Variants in KCNMB2 observed in about 807,000 individuals in gnomAD.
KCNMB2 encodes calcium-activated potassium channel subunit beta-2.
Under a neutral mutation model 24.5 loss-of-function variants are expected in KCNMB2, and 9 were observed. The ratio of observed to expected loss-of-function variants is 0.37; its 90% CI spans 0.22 to 0.64. The LOEUF is 0.64. Among genes scored for constraint, KCNMB2 ranks in the 30% least tolerant of loss-of-function variants. The pLI, the probability that KCNMB2 is intolerant of heterozygous loss-of-function variation, is 0.63. For synonymous variants in KCNMB2, 109 were observed against 104.4 expected, an observed-to-expected ratio of 1.04 and a Z score of -0.27; for missense variants, 226 against 284.3, an observed-to-expected ratio of 0.79 and a Z score of 1.47.
chr3:178,720,514 T>A (rs1200439444), intron 1 of KCNMB2, among the ~76,000 whole-genome samples: 1 of 113,442 alleles, frequency 8.8e-6, no homozygotes, highest in Non-Finnish European at 1.8e-5. Flanking sequence ...GATGGCTGGG[T>A]CAAATGGTAT....
intron 1 of KCNMB2, among the ~76,000 whole-genome samples, chr3:178,702,647 A>C (rs1157834106): frequency 6.6e-6 from 1 of 152,058 alleles, no homozygotes; most frequent in Non-Finnish European, 1.5e-5. Context: ...GCAAAAATAA[A>C]TTTCATCTAA....
At chr3:178,815,521 T>C (rs1467637788) in intron 2 of KCNMB2, among the ~76,000 whole-genome samples, 2 of 152,208 alleles carry the variant, frequency 1.3e-5, no homozygotes, top group Admixed American at 6.5e-5. Flanking sequence ...TTACAGTAAA[T>C]ATACTATTCA....
At chr3:178,839,002 A>C (rs1349818925) in intron 4 of KCNMB2, among the ~76,000 whole-genome samples, 1 of 152,228 alleles carries the variant, frequency 6.6e-6, no homozygotes, top group East Asian at 1.9e-4. Flanking sequence ...AACACTGTAT[A>C]GATAAGCAGT....
intron 2 of KCNMB2, among the ~76,000 whole-genome samples, chr3:178,809,863 C>A (rs4493412): frequency 6.6e-6 from 1 of 151,916 alleles, no homozygotes; most frequent in South Asian, 2.1e-4. Context: ...ATATTGACTA[C>A]GAAGAAATCA....
chr3:178,781,781 C>T (rs1325224013), intron 1 of KCNMB2, among the ~76,000 whole-genome samples: 1 of 151,384 alleles, frequency 6.6e-6, no homozygotes, highest in South Asian at 2.1e-4. Context: ...TAACATGAAA[C>T]CGCTTTTTTT....
chr3:178,560,639 G>A (rs1362447191), intron 1 of KCNMB2, among the ~76,000 whole-genome samples: 1 of 152,050 alleles, frequency 6.6e-6, no homozygotes, highest in African/African-American at 2.4e-5. Context: ...GAGATAATTG[G>A]CTTTGCTCTA....
intron 1 of KCNMB2, among the ~76,000 whole-genome samples, chr3:178,698,349 CTGTCT>C (rs76126988): frequency 0.33 from 49,560 of 151,778 alleles, 8,748 homozygotes; most frequent in African/African-American, 0.47. Context: ...TCTTGTCTGC[CTGTCT>C]TATTTCAGAA....
chr3:178,696,485 CT>C (rs768602273), intron 1 of KCNMB2, among the ~76,000 whole-genome samples: 3 of 152,052 alleles, frequency 2.0e-5, no homozygotes, highest in Admixed American at 2.0e-4. Context: ...AATCTTTTCT[CT>C]TTTGTTCTTT....
intron 1 of KCNMB2, among the ~76,000 whole-genome samples, chr3:178,682,501 G>T (rs1721304136): frequency 6.6e-6 from 1 of 152,026 alleles, no homozygotes; most frequent in Non-Finnish European, 1.5e-5. Context: ...AGTCAACACT[G>T]TCCAATAGAA....
At chr3:178,700,390 G>C (rs1419899677) in intron 1 of KCNMB2, among the ~76,000 whole-genome samples, 1 of 152,096 alleles carries the variant, frequency 6.6e-6, no homozygotes, top group Non-Finnish European at 1.5e-5. Context: ...ATATATTTTG[G>C]AAAGTATATA....
At chr3:178,833,067 A>G (rs1237982155) in intron 4 of KCNMB2, among the ~76,000 whole-genome samples, 27 of 22,968 alleles carry the variant, frequency 1.2e-3, no homozygotes, top group African/African-American at 2.8e-3. Context: ...ATTTCCACTT[A>G]CTTCTGCCAG....
intron 4 of KCNMB2, among the ~76,000 whole-genome samples, chr3:178,836,444 G>C (rs1322731338): frequency 1.3e-5 from 2 of 152,096 alleles, no homozygotes; most frequent in Non-Finnish European, 2.9e-5. Flanking sequence ...TTTCAGCTGG[G>C]AAAGGAAAGA....
intron 1 of KCNMB2, among the ~76,000 whole-genome samples, chr3:178,789,340 C>T (rs1713232414): frequency 6.6e-6 from 1 of 152,148 alleles, no homozygotes; most frequent in Admixed American, 6.5e-5. Flanking sequence ...AAGCAGGCTG[C>T]AAGACAACCT....
chr3:178,607,628 C>CAT (rs1718322308), intron 1 of KCNMB2, among the ~76,000 whole-genome samples: 1 of 147,272 alleles, frequency 6.8e-6, no homozygotes, highest in Non-Finnish European at 1.5e-5. Flanking sequence ...ATTGTGCATG[C>CAT]GTGTGTGTGT....
intron 1 of KCNMB2, among the ~76,000 whole-genome samples, chr3:178,795,978 T>G (rs1560025090): frequency 6.6e-6 from 1 of 152,148 alleles, no homozygotes; most frequent in Admixed American, 6.5e-5. Context: ...AAACACAGTT[T>G]GCTGATGATG....
intron 1 of KCNMB2, among the ~76,000 whole-genome samples, chr3:178,797,434 A>G (rs1713594244): frequency 6.6e-6 from 1 of 152,206 alleles, no homozygotes; most frequent in Admixed American, 6.5e-5. Flanking sequence ...AAAAAAAGAA[A>G]ACTACAGGCC....
intron 1 of KCNMB2, among the ~76,000 whole-genome samples, chr3:178,672,113 T>TGATTTCCA (rs1244689457): frequency 6.6e-6 from 1 of 152,228 alleles, no homozygotes; most frequent in Non-Finnish European, 1.5e-5. Flanking sequence ...CTGGCTGATG[T>TGATTTCCA]GGAAGTCTGG....
chr3:178,614,247 T>TTTTATA (rs1718600671), intron 1 of KCNMB2, among the ~76,000 whole-genome samples: 2 of 53,474 alleles, frequency 3.7e-5, no homozygotes, highest in Non-Finnish European at 7.2e-5. Context: ...TGGGCTAATT[T>TTTTATA]TATATATATA....
intron 1 of KCNMB2, among the ~76,000 whole-genome samples, chr3:178,732,491 G>T (rs1278692507): frequency 6.6e-6 from 1 of 152,020 alleles, no homozygotes; most frequent in East Asian, 1.9e-4. Context: ...ACTTTTTATG[G>T]TCTATTTAGT....
Sources: gnomAD v4.1 joint callset for allele counts (sites outside exome capture counted in the v4.1 genomes callset) on GRCh38, gnomAD v4.1.1 for gene constraint, MANE v1.5 for transcripts, NCBI Gene and HGNC (gene_info 2026-07-23, HGNC 2026-07-21) for gene names.